The following HIRA variants were observed in gnomAD, a reference collection of about 807,000 sequenced individuals.
The protein encoded by HIRA is protein HIRA.
A neutral mutation model predicts 126.6 loss-of-function variants in HIRA; 13 were observed. The observed-to-expected ratio is 0.10, with a 90% CI of 0.07 to 0.16. The LOEUF is 0.16. HIRA is among the 10% of genes least tolerant of loss of function. The probability of loss-of-function intolerance (pLI) is 1.00; values close to 1 mark genes in which losing one functional copy is unlikely to be tolerated. For missense variants in HIRA, 834 were observed against 1,314.4 expected, an observed-to-expected ratio of 0.63 and a Z score of 5.65; for synonymous variants, 511 against 520.0, an observed-to-expected ratio of 0.98 and a Z score of 0.24.
At chr22:19,357,112 C>T in intron 18 of HIRA, 61 bp from the exon 19 acceptor site, 2 of 1,584,260 alleles carry the variant, frequency 1.3e-6, no homozygotes, top group Non-Finnish European at 1.7e-6. Flanking sequence ...AAGACAGTAG[C>T]CCTGGAAGTG....
intron 23 of HIRA, among the ~76,000 whole-genome samples, chr22:19,352,857 C>T (rs1474500837): frequency 1.3e-5 from 2 of 152,244 alleles, no homozygotes; most frequent in Admixed American, 1.3e-4. Context: ...GCAGCCACCT[C>T]TTCCAGCACA....
At chr22:19,396,503 C>T (rs952703716) in intron 7 of HIRA, among the ~76,000 whole-genome samples, 3 of 152,158 alleles carry the variant, frequency 2.0e-5, no homozygotes, top group Non-Finnish European at 2.9e-5. Flanking sequence ...GCAACAAGAG[C>T]GAAACTCTGT....
chr22:19,379,120 C>T (rs1216888414), intron 13 of HIRA, among the ~76,000 whole-genome samples: 6 of 151,626 alleles, frequency 4.0e-5, no homozygotes, highest in Admixed American at 6.6e-5. Context: ...CTCCGCCTCC[C>T]GGGTTCACGC....
intron 24 of HIRA, among the ~76,000 whole-genome samples, chr22:19,335,603 TTTGGAGGTA>T (rs782312136): frequency 2.0e-5 from 3 of 152,202 alleles, no homozygotes; most frequent in Non-Finnish European, 2.9e-5. Flanking sequence ...TTCTTAACCC[TTTGGAGGTA>T]TATTTTTATG....
intron 15 of HIRA, among the ~76,000 whole-genome samples, chr22:19,362,972 G>A (rs1357287692): frequency 6.6e-6 from 1 of 151,420 alleles, no homozygotes; most frequent in Admixed American, 6.6e-5. Context: ...GGTGGCTCAC[G>A]CCTGTAATCC....
intron 1 of HIRA, among the ~76,000 whole-genome samples, chr22:19,412,313 A>C (rs1429014836): frequency 6.6e-6 from 1 of 152,200 alleles, no homozygotes; most frequent in Non-Finnish European, 1.5e-5. Context: ...TCTATCCCCA[A>C]GCTATTCGAG....
rs564181389 is a variant in HIRA at position 19,351,862 on chromosome 22, G to T, written c.2849-416C>A. Among the ~76,000 whole-genome samples, 14 of 152,256 alleles carry T rather than the reference G, an allele frequency of 9.2e-5. No homozygotes were observed. The highest frequency in any genetic ancestry group is 3.4e-4 in the African/African-American group (14 of 41,546). ...GGGTGGGACGGCCAGCCCGCAGGAG[G>T]TAAGAGATGGCAAAGGCATGACTGA... On this transcript the variant is annotated intron_variant, in intron 23 of 24. Transcript: ENST00000263208. This position sits in a 1 kb window ranked among gnomAD's most constrained non-coding sequence, Gnocchi z 4.8.
chr22:19,386,262 C>T (rs936381597), intron 11 of HIRA, among the ~76,000 whole-genome samples: 2 of 152,152 alleles, frequency 1.3e-5, no homozygotes, highest in African/African-American at 4.8e-5. Flanking sequence ...TCCTTTACTC[C>T]CACCCCTCCT....
At chr22:19,423,393 C>T (rs1309287673) in intron 1 of HIRA, among the ~76,000 whole-genome samples, 1 of 152,092 alleles carries the variant, frequency 6.6e-6, no homozygotes, top group South Asian at 2.1e-4. Flanking sequence ...GGATGCATAA[C>T]AGGCTGCTCC....
At chr22:19,349,115 C>A (rs1366032566) in intron 24 of HIRA, among the ~76,000 whole-genome samples, 1 of 150,970 alleles carries the variant, frequency 6.6e-6, no homozygotes. Context: ...TTTAAATTTT[C>A]CTTTTCTTGA....
At chr22:19,349,992 CTTTT>C (rs1241492973) in intron 24 of HIRA, among the ~76,000 whole-genome samples, 1 of 144,934 alleles carries the variant, frequency 6.9e-6, no homozygotes. Flanking sequence ...TTTTTCTTTT[CTTTT>C]TTTTTTTTTG....
intron 24 of HIRA, among the ~76,000 whole-genome samples, chr22:19,345,983 CAT>C (rs1253462181): frequency 1.3e-5 from 2 of 152,288 alleles, no homozygotes; most frequent in African/African-American, 4.8e-5. Context: ...CTATAATATA[CAT>C]AGAGTTCCTA....
chr22:19,358,104 A>G (rs533287516), intron 18 of HIRA, among the ~76,000 whole-genome samples: 4 of 152,202 alleles, frequency 2.6e-5, no homozygotes, highest in Admixed American at 2.6e-4. Context: ...AGTTCAAGCG[A>G]TTCTCCTACC....
intron 1 of HIRA, among the ~76,000 whole-genome samples, chr22:19,412,072 C>T (rs1466168214): frequency 3.3e-5 from 5 of 152,176 alleles, no homozygotes; most frequent in African/African-American, 7.2e-5. Flanking sequence ...ACCTGGGACC[C>T]GTTTTAACCA....
chr22:19,383,405 C>G (rs1226959575), intron 13 of HIRA, among the ~76,000 whole-genome samples: 1 of 152,202 alleles, frequency 6.6e-6, no homozygotes, highest in Non-Finnish European at 1.5e-5. Flanking sequence ...CGCCTTAGCA[C>G]TCCCACCCCT....
intron 2 of HIRA, among the ~76,000 whole-genome samples, chr22:19,409,563 G>A (rs902499968): frequency 5.9e-5 from 9 of 152,134 alleles, no homozygotes; most frequent in Non-Finnish European, 1.3e-4. Flanking sequence ...AATCACAGGC[G>A]TGAGCCACCG....
At chr22:19,342,561 T>G (rs1556007875) in intron 24 of HIRA, among the ~76,000 whole-genome samples, 1 of 152,182 alleles carries the variant, frequency 6.6e-6, no homozygotes, top group Non-Finnish European at 1.5e-5. Flanking sequence ...TAATTTTTTG[T>G]ATTTTTAGTA....
At chr22:19,381,571 T>C (rs1262905225) in intron 13 of HIRA, among the ~76,000 whole-genome samples, 1 of 147,650 alleles carries the variant, frequency 6.8e-6, no homozygotes, top group Non-Finnish European at 1.5e-5. Context: ...TACTGATACG[T>C]AGAATTAAAT....
intron 21 of HIRA, 27 bp from the exon 22 acceptor site, chr22:19,354,145 C>T: frequency 6.2e-7 from 1 of 1,605,400 alleles, no homozygotes; most frequent in Non-Finnish European, 8.5e-7. Flanking sequence ...AGGAGCAGAG[C>T]TCAGGAAAAC....
Sources: allele counts gnomAD v4.1 joint callset (sites outside exome capture counted in the v4.1 genomes callset), GRCh38; gene constraint gnomAD v4.1.1; non-coding constraint Gnocchi (gnomAD v3.1); transcripts MANE v1.5; gene names NCBI Gene and HGNC (gene_info 2026-07-23, HGNC 2026-07-21).